The following UBE2E2 variants were observed in gnomAD, a reference collection of about 807,000 sequenced individuals.
The protein encoded by UBE2E2 is ubiquitin conjugating enzyme E2 E2.
UBE2E2 carries 6 observed loss-of-function variants against 24.7 expected under a neutral mutation model. The ratio of observed to expected loss-of-function variants is 0.24; its 90% CI spans 0.13 to 0.48. The LOEUF is 0.48. Among genes scored for constraint, UBE2E2 ranks in the 20% least tolerant of loss-of-function variants. The pLI is 0.99. For missense variants in UBE2E2, 169 were observed against 245.0 expected, an observed-to-expected ratio of 0.69 and a Z score of 2.07; for synonymous variants, 104 against 83.6, an observed-to-expected ratio of 1.24 and a Z score of -1.33.
At chr3:23,401,848 CTTTTTTTTT>C (rs35903137) in intron 3 of UBE2E2, among the ~76,000 whole-genome samples, 4 of 67,660 alleles carry the variant, frequency 5.9e-5, no homozygotes, top group South Asian at 1.1e-3. Flanking sequence ...TGCCTGGCTA[CTTTTTTTTT>C]TTTTTTTTTT....
At chr3:23,465,399 ACTT>A (rs1199185548) in intron 3 of UBE2E2, among the ~76,000 whole-genome samples, 1 of 152,184 alleles carries the variant, frequency 6.6e-6, no homozygotes, top group Non-Finnish European at 1.5e-5. Flanking sequence ...CCAAATCATA[ACTT>A]CTAAAAGACC....
chr3:23,285,697 C>T (rs1051714947), intron 3 of UBE2E2, among the ~76,000 whole-genome samples: 1 of 152,118 alleles, frequency 6.6e-6, no homozygotes, highest in South Asian at 2.1e-4. Context: ...CTATTCAGAT[C>T]TTTTATCCCC....
intron 4 of UBE2E2, among the ~76,000 whole-genome samples, chr3:23,524,913 C>G (rs1694959367): frequency 6.6e-6 from 1 of 150,614 alleles, no homozygotes; most frequent in Admixed American, 6.6e-5. Flanking sequence ...ATATTAGTTT[C>G]CTGTTGCTAC....
intron 5 of UBE2E2, among the ~76,000 whole-genome samples, chr3:23,540,292 A>G (rs1695360994): frequency 6.6e-6 from 1 of 152,248 alleles, no homozygotes. Flanking sequence ...TTGCTGCATC[A>G]GAATTAAGTT....
At chr3:23,455,753 G>T (rs1698664057) in intron 3 of UBE2E2, among the ~76,000 whole-genome samples, 1 of 152,072 alleles carries the variant, frequency 6.6e-6, no homozygotes, top group African/African-American at 2.4e-5. Context: ...GAGCCTTTAG[G>T]GAGTCATAAT....
At chr3:23,337,532 G>A (rs1252662956) in intron 3 of UBE2E2, among the ~76,000 whole-genome samples, 6 of 152,152 alleles carry the variant, frequency 3.9e-5, no homozygotes, top group African/African-American at 7.2e-5. Flanking sequence ...GTGTGCTTTA[G>A]GACGATTTCA....
intron 3 of UBE2E2, among the ~76,000 whole-genome samples, chr3:23,446,816 C>T (rs1267708080): frequency 1.3e-5 from 2 of 150,512 alleles, no homozygotes; most frequent in African/African-American, 2.4e-5. Context: ...CTGTAGTTCC[C>T]GAGACTTGGG....
chr3:23,213,412 A>G (rs17012819), intron 2 of UBE2E2, among the ~76,000 whole-genome samples: 2,106 of 151,692 alleles, frequency 0.014, 52 homozygotes, highest in African/African-American at 0.049. Flanking sequence ...CTCCTCTGCT[A>G]TTTTTTTTAA....
At chr3:23,344,833 A>G (rs1342042723) in intron 3 of UBE2E2, among the ~76,000 whole-genome samples, 1 of 152,132 alleles carries the variant, frequency 6.6e-6, no homozygotes, top group Non-Finnish European at 1.5e-5. Flanking sequence ...AAAAAAAAAA[A>G]AATTAAATGT....
chr3:23,570,353 C>A (rs1008396941), intron 5 of UBE2E2, among the ~76,000 whole-genome samples: 1 of 152,142 alleles, frequency 6.6e-6, no homozygotes, highest in Admixed American at 6.5e-5. Context: ...CTGCCCAGTT[C>A]CCTGATGTTG....
intron 3 of UBE2E2, among the ~76,000 whole-genome samples, chr3:23,334,524 T>A (rs1017935619): frequency 1.3e-5 from 2 of 152,172 alleles, no homozygotes; most frequent in Non-Finnish European, 2.9e-5. Flanking sequence ...TGACCAGAAA[T>A]TCCAAAATAA....
rs114181835 is a variant in UBE2E2, at chr3:23,470,833, C to T, written c.228-28775C>T. 5.8e-3 allele frequency among the ~76,000 whole-genome samples: 872 copies of T among 150,908 alleles called. 5 individuals are homozygous for T. Among genetic ancestry groups the T allele is most frequent in the African/African-American group, 0.019 (789 of 41,168 alleles). On this transcript the variant is annotated intron_variant, in intron 3 of 5. Coordinates refer to ENST00000396703, the MANE Select transcript of UBE2E2 (RefSeq NM_152653.4). ...ATAAAAATATATATATTTTTTTTTG[C>T]GTGAACTCCACTTCTTGGAGCTCAA...
At chr3:23,268,487 A>G (rs1030551505) in intron 3 of UBE2E2, among the ~76,000 whole-genome samples, 1 of 151,052 alleles carries the variant, frequency 6.6e-6, no homozygotes, top group Non-Finnish European at 1.5e-5. Context: ...TAGGAATCCA[A>G]CTTACAAGGG....
intron 3 of UBE2E2, among the ~76,000 whole-genome samples, chr3:23,477,024 T>C (rs1699154867): frequency 6.6e-6 from 1 of 152,174 alleles, no homozygotes; most frequent in African/African-American, 2.4e-5. Context: ...GATGTAATTA[T>C]TAACAAAATT....
chr3:23,425,907 G>A (rs182452142), intron 3 of UBE2E2, among the ~76,000 whole-genome samples: 2 of 152,226 alleles, frequency 1.3e-5, no homozygotes, highest in African/African-American at 2.4e-5. Context: ...ACAAGCAACA[G>A]AACCAGATTC....
At chr3:23,408,121 C>T (rs1258565920) in intron 3 of UBE2E2, among the ~76,000 whole-genome samples, 1 of 152,066 alleles carries the variant, frequency 6.6e-6, no homozygotes, top group Admixed American at 6.6e-5. Flanking sequence ...GTGTCTAATT[C>T]TGTATTTAGT....
chr3:23,375,597 C>G, intron 3 of UBE2E2, among the ~76,000 whole-genome samples: 1 of 152,080 alleles, frequency 6.6e-6, no homozygotes, highest in East Asian at 1.9e-4. Flanking sequence ...TAGGCATACT[C>G]TTGTAGTTGG....
At chr3:23,327,989 A>G (rs1423324924) in intron 3 of UBE2E2, among the ~76,000 whole-genome samples, 1 of 152,194 alleles carries the variant, frequency 6.6e-6, no homozygotes, top group African/African-American at 2.4e-5. Flanking sequence ...TTATGTACTT[A>G]TTGTACATAT....
chr3:23,478,684 C>T (rs1281564517), intron 3 of UBE2E2, among the ~76,000 whole-genome samples: 2 of 152,076 alleles, frequency 1.3e-5, no homozygotes, highest in East Asian at 3.9e-4. Context: ...AAATTCAAAT[C>T]TGTTCTCATT....
Sources: gnomAD v4.1 joint callset for allele counts (sites outside exome capture counted in the v4.1 genomes callset) on GRCh38, gnomAD v4.1.1 for gene constraint, MANE v1.5 for transcripts, NCBI Gene and HGNC (gene_info 2026-07-23, HGNC 2026-07-21) for gene names.